CROCC2: variants seen among roughly 807,000 people sequenced by gnomAD.
CROCC2 encodes ciliary rootlet coiled-coil, rootletin family member 2.
In CROCC2, 163 loss-of-function variants were observed where a neutral mutation model predicts 177.6. That is an observed-to-expected ratio of 0.92 (90% CI 0.81 to 1.05). The LOEUF is 1.05. CROCC2 is among the 50% of genes least tolerant of loss of function. The pLI is 0.00. For missense variants in CROCC2, 1,929 were observed against 1,797.8 expected (o/e 1.07, Z -1.32); for synonymous variants, 904 against 787.3 (o/e 1.15, Z -2.48).
At chr2:240,987,985 G>A (rs1049182601) in intron 28 of CROCC2, among the ~76,000 whole-genome samples, 6 of 152,232 alleles carry the variant, frequency 3.9e-5, no homozygotes, top group Admixed American at 3.3e-4. Flanking sequence ...GCTGGTGGAC[G>A]GTGTTCCTCT....
intron 27 of CROCC2, among the ~76,000 whole-genome samples, chr2:240,970,960 T>C (rs10191146): frequency 0.64 from 97,650 of 152,078 alleles, 32,479 homozygotes; most frequent in African/African-American, 0.81. Flanking sequence ...CTCCTCTGGG[T>C]TCATCCAGGT....
intron 18 of CROCC2, among the ~76,000 whole-genome samples, chr2:240,954,211 T>C (rs756433151): frequency 7.2e-5 from 11 of 152,172 alleles, no homozygotes; most frequent in Non-Finnish European, 1.3e-4. Flanking sequence ...AGGGAACAGT[T>C]GTCCTTTCTC....
intron 31 of CROCC2, 94 bp from the exon 32 acceptor site, chr2:240,992,972 G>A: frequency 1.5e-6 from 1 of 681,934 alleles, no homozygotes; most frequent in Non-Finnish European, 2.7e-6. Context: ...GTGGGCAGGA[G>A]ACTCAGCATC....
At chr2:240,912,194 T>C (rs1014477045) in intron 1 of CROCC2, among the ~76,000 whole-genome samples, 11 of 152,020 alleles carry the variant, frequency 7.2e-5, no homozygotes, top group African/African-American at 2.7e-4. Context: ...ACACCAAATG[T>C]GTGGGTTTTT....
intron 22 of CROCC2, 63 bp downstream of exon 22, chr2:240,964,688 C>T (rs1489521957): frequency 6.6e-7 from 1 of 1,509,024 alleles, no homozygotes; most frequent in African/African-American, 1.4e-5. Context: ...GGTCCCGGCT[C>T]CTCCCAGGGG....
intron 14 of CROCC2, among the ~76,000 whole-genome samples, chr2:240,938,204 A>T (rs1341265337): frequency 6.6e-6 from 1 of 152,242 alleles, no homozygotes; most frequent in Non-Finnish European, 1.5e-5. Flanking sequence ...CTGGATTTTA[A>T]TTAGCCCTCC....
chr2:240,971,402 G>GT (rs373915898), intron 27 of CROCC2, among the ~76,000 whole-genome samples: 62 of 152,312 alleles, frequency 4.1e-4, no homozygotes, highest in African/African-American at 1.4e-3. Flanking sequence ...GGTTTGATGG[G>GT]TGGGGCCGCT....
At chr2:240,907,349 A>G (rs1574738201) in intron 1 of CROCC2, among the ~76,000 whole-genome samples, 1 of 151,790 alleles carries the variant, frequency 6.6e-6, no homozygotes, top group Non-Finnish European at 1.5e-5. Context: ...CTGCGGTCCC[A>G]CCTCGGATAT....
chr2:240,911,955 A>G (rs4675853), intron 1 of CROCC2, among the ~76,000 whole-genome samples: 34,963 of 152,070 alleles, frequency 0.23, 4,144 homozygotes, highest in African/African-American at 0.25. Flanking sequence ...TGAACCTCGG[A>G]GTACAAATAT....
At position 240,919,335 on chromosome 2, in the gene CROCC2, T is replaced by A. The variant is rs186674988; in HGVS notation, c.229+459T>A. Among the ~76,000 whole-genome samples the A allele has an allele frequency of 2.0e-5, 3 of 152,196 alleles. No individual in the cohort carries two copies. The East Asian group carries it at 5.8e-4, about 30-fold the overall frequency. On this transcript the variant is annotated intron_variant, in intron 2 of 31. Coordinates refer to ENST00000690015, the MANE Select transcript of CROCC2 (RefSeq NM_001351305.2). ...ACCTGCGTCTCCGCTTCATTGGTGGTTTCTTCCTCAGCGTGGAAATGCTGG... is the reference window on the plus strand; with the variant it reads ...ACCTGCGTCTCCGCTTCATTGGTGGATTCTTCCTCAGCGTGGAAATGCTGG...
Position 240,991,286 on chromosome 2 carries a change from C to T in CROCC2, c.4946+8C>T, listed in dbSNP as rs2059877968. ...GGCCTTCCAGACAGGACAGTGAGCC[C>T]TGCTGCATACCACCCAGCAGCCTAG... On this transcript the variant is annotated splice_region_variant and intron_variant, in intron 31 of 31. Transcript: ENST00000690015. The T allele has an allele frequency of 6.5e-7, 1 of 1,545,614 alleles. No individual in the cohort carries two copies. The highest frequency in any genetic ancestry group is 8.7e-7 in the Non-Finnish European group (1 of 1,144,130).
intron 7 of CROCC2, 127 bp downstream of exon 7, chr2:240,931,255 C>A (rs890167061): frequency 4.7e-5 from 28 of 599,574 alleles, no homozygotes; most frequent in Non-Finnish European, 1.5e-5. Flanking sequence ...GCCCTGATGT[C>A]ACTGGTGGTG....
intron 18 of CROCC2, 35 bp from the exon 19 acceptor site, chr2:240,955,824 C>T (rs2059586786): frequency 2.0e-6 from 3 of 1,483,384 alleles, no homozygotes; most frequent in South Asian, 1.2e-5. Flanking sequence ...CCGAGACTCC[C>T]CAACTTTCTC....
intron 27 of CROCC2, among the ~76,000 whole-genome samples, chr2:240,970,644 G>C (rs976606707): frequency 5.3e-5 from 8 of 152,144 alleles, no homozygotes; most frequent in Non-Finnish European, 8.8e-5. Context: ...TAGGAGCTAA[G>C]ACTTTTGCTC....
intron 19 of CROCC2, 101 bp downstream of exon 19, chr2:240,956,073 A>C: frequency 8.5e-6 from 7 of 825,168 alleles, no homozygotes; most frequent in Non-Finnish European, 1.4e-5. Flanking sequence ...GACCCTCTCC[A>C]TCCCCTCCCT....
In CROCC2 at chr2:240,976,225, GCTCATCC is replaced by G. The variant is rs1489194623; in HGVS notation, c.4402-6652_4402-6646del. On this transcript the variant is annotated intron_variant, in intron 27 of 31. Transcript: ENST00000690015. ...TGGGGTAGGAGCCTCTGGAGCCCAG[GCTCATCC>G]CTGCTCAGTCTCTGGGGTAGGAGCC... 1.9e-4 allele frequency among the ~76,000 whole-genome samples: 24 copies of G among 123,606 alleles called. 5 individuals are homozygous for G. The highest frequency in any genetic ancestry group is 8.0e-4 in the East Asian group (3 of 3,766). The allele number at this position is 123,606 out of a possible 152,430, so 81.1% of individuals were successfully genotyped here. A position where few individuals can be genotyped will look rare whatever the true frequency, so the allele number is the denominator to read the frequency against.
At chr2:240,914,810 TG>T (rs2059309685) in intron 1 of CROCC2, among the ~76,000 whole-genome samples, 1 of 152,120 alleles carries the variant, frequency 6.6e-6, no homozygotes, top group Non-Finnish European at 1.5e-5. Context: ...TGAGGGCTGG[TG>T]GGGCCAGTGA....
At chr2:240,967,544 T>C in intron 26 of CROCC2, 79 bp downstream of exon 26, 1 of 1,525,962 alleles carries the variant, frequency 6.6e-7, no homozygotes, top group South Asian at 1.2e-5. Flanking sequence ...TGCTGCCGGC[T>C]ATAAGCTTTC....
intron 5 of CROCC2, among the ~76,000 whole-genome samples, chr2:240,928,730 G>T (rs961268648): frequency 7.2e-6 from 1 of 139,064 alleles, no homozygotes; most frequent in African/African-American, 2.5e-5. Flanking sequence ...TGCCCTCGGA[G>T]GGCGTGCAGA....
Sources: gnomAD v4.1 joint callset for allele counts (sites outside exome capture counted in the v4.1 genomes callset) on GRCh38, gnomAD v4.1.1 for gene constraint, MANE v1.5 for transcripts, NCBI Gene and HGNC (gene_info 2026-07-23, HGNC 2026-07-21) for gene names.